ACACB: variants seen among roughly 807,000 people sequenced by gnomAD.
The protein encoded by ACACB is acetyl-CoA carboxylase beta.
ACACB carries 209 observed loss-of-function variants against 278.8 expected under a neutral mutation model. That is an observed-to-expected ratio of 0.75 (90% confidence interval 0.67 to 0.84). The LOEUF (loss-of-function observed/expected upper bound fraction) is 0.84. Ranked by LOEUF, ACACB falls within the 40% of genes least tolerant of loss-of-function variation. ACACB has a pLI of 0.00. For missense variants in ACACB, 2,850 were observed against 3,269.0 expected, an observed-to-expected ratio of 0.87 and a Z score of 3.13; for synonymous variants, 1,174 against 1,285.6, an observed-to-expected ratio of 0.91 and a Z score of 1.86.
chr12:109,167,760 A>G, intron 3 of ACACB, 136 bp from the exon 4 acceptor site: 7 of 1,340,068 alleles, frequency 5.2e-6, no homozygotes, highest in Middle Eastern at 2.3e-4. Context: ...ATGGAAATAC[A>G]TAGAAATACC....
rs146414856 is a variant in ACACB, at chr12:109,171,264, C to T, written c.926-541C>T. Among the ~76,000 whole-genome samples the T allele has an allele frequency of 1.4e-3, 210 of 152,268 alleles. 4 individuals are homozygous for T. In the East Asian group the frequency reaches 0.032, roughly 23 times the overall value. ...TTGACAGATTACTTCCTTCTTCCTT[C>T]GTTCCTTTCCAGGCCTTCCAGGCCT... On this transcript the variant is annotated intron_variant, in intron 4 of 52. Coordinates refer to ENST00000338432, the MANE Select transcript of ACACB (RefSeq NM_001093.4).
At chr12:109,188,306 T>G (rs554658609) in intron 13 of ACACB, 144 bp downstream of exon 13, 34 of 858,690 alleles carry the variant, frequency 4.0e-5, no homozygotes, top group Middle Eastern at 7.0e-4. Context: ...CTCTCAGCCT[T>G]TCTCCTTTTT....
At chr12:109,216,081 G>C (rs1012260275) in intron 22 of ACACB, among the ~76,000 whole-genome samples, 1 of 151,996 alleles carries the variant, frequency 6.6e-6, no homozygotes, top group Non-Finnish European at 1.5e-5. Context: ...TTATTGGTGT[G>C]AGCCACCATG....
intron 2 of ACACB, among the ~76,000 whole-genome samples, chr12:109,147,826 A>G (rs1245881311): frequency 2.0e-5 from 3 of 152,184 alleles, no homozygotes. Flanking sequence ...GGATGAATGA[A>G]TGGATGAATG....
At chr12:109,188,201 C>CT in intron 13 of ACACB, 39 bp downstream of exon 13, 1 of 1,302,042 alleles carries the variant, frequency 7.7e-7, no homozygotes, top group Non-Finnish European at 1.1e-6. Context: ...TTCCTTCCTT[C>CT]CTTCCTTCCT....
chr12:109,191,553 A>C, intron 13 of ACACB, 60 bp from the exon 14 acceptor site: 1 of 1,596,380 alleles, frequency 6.3e-7, no homozygotes, highest in Non-Finnish European at 8.6e-7. Flanking sequence ...ACATCATTGC[A>C]GCAACTCTGT....
intron 9 of ACACB, among the ~76,000 whole-genome samples, 155 bp from the exon 10 acceptor site, chr12:109,178,933 G>A (rs970822769): frequency 1.3e-5 from 2 of 152,144 alleles, no homozygotes; most frequent in Non-Finnish European, 2.9e-5. Context: ...AGAATATTAT[G>A]TCTGTGAGAC....
chr12:109,223,134 AGT>A (rs2046223291), intron 26 of ACACB, among the ~76,000 whole-genome samples: 1 of 152,146 alleles, frequency 6.6e-6, no homozygotes, highest in Non-Finnish European at 1.5e-5. Context: ...CAGGAAGGAC[AGT>A]GTGACAGCAG....
At chr12:109,248,294 A>G (rs2047002932) in intron 40 of ACACB, among the ~76,000 whole-genome samples, 1 of 152,150 alleles carries the variant, frequency 6.6e-6, no homozygotes, top group Non-Finnish European at 1.5e-5. Flanking sequence ...AGCGTTCTCC[A>G]GAGGGACAGG....
At chr12:109,250,589 C>G (rs1047895260) in intron 41 of ACACB, among the ~76,000 whole-genome samples, 1 of 152,116 alleles carries the variant, frequency 6.6e-6, no homozygotes, top group African/African-American at 2.4e-5. Context: ...TAGTCCCCAT[C>G]CCATCCCCAT....
intron 3 of ACACB, 27 bp downstream of exon 3, chr12:109,167,020 TG>T: frequency 6.2e-7 from 1 of 1,613,268 alleles, no homozygotes; most frequent in South Asian, 1.1e-5. Flanking sequence ...GCACTCTGGG[TG>T]GGGTCCGATT....
At chr12:109,217,827 T>C (rs560333673) in intron 24 of ACACB, among the ~76,000 whole-genome samples, 21 of 152,236 alleles carry the variant, frequency 1.4e-4, no homozygotes, top group African/African-American at 5.1e-4. Context: ...ATCCCAACTT[T>C]GTATACAAAA....
chr12:109,150,982 C>CTTTTT (rs201382181), intron 2 of ACACB, among the ~76,000 whole-genome samples: 20 of 137,360 alleles, frequency 1.5e-4, no homozygotes, highest in African/African-American at 5.2e-4. Flanking sequence ...TTTTTTCTTT[C>CTTTTT]TTTTTTTTTT....
In ACACB at chr12:109,139,472, T is replaced by C; in HGVS notation, c.67T>C (p.Trp23Arg). The C allele has an allele frequency of 1.2e-6, 2 of 1,614,116 alleles. No homozygotes were observed. The highest frequency in any genetic ancestry group is 1.7e-6 in the Non-Finnish European group (2 of 1,180,026). ...SCLTFSWLKI[W>R]GKMTDSKPIT... ...TCTGACCTTTTCCTGGTTAAAAATC[T>C]GGGGGAAAATGACGGACTCCAAGCC... Residue 23 changes from tryptophan (W) to arginine (R), a missense_variant, in exon 2 of 53, where the codon TGG (tryptophan) becomes CGG (arginine). Trp to Arg is a moderately radical substitution (Grantham distance 101). This residue lies in a region of ACACB where 2,265 missense variants were observed against 2,561.3 expected (regional missense o/e 0.88). Coordinates refer to ENST00000338432, the MANE Select transcript of ACACB (RefSeq NM_001093.4).
chr12:109,184,362 A>G lies in ACACB; in HGVS notation c.1819-1217A>G, dbSNP rs371393423. ...ACCACTGTGCCCGGCCGTGGGCTCA[A>G]TCTTTTGAGCAATGGTTTGAGTGAA... On this transcript the variant is annotated intron_variant, in intron 11 of 52. Transcript: ENST00000338432. Among the ~76,000 whole-genome samples, 50 of 152,198 alleles carry G rather than the reference A, an allele frequency of 3.3e-4. No individual in the cohort carries two copies. In the East Asian group the frequency reaches 6.2e-3, roughly 19 times the overall value.
At chr12:109,159,514 G>A (rs2043652945) in intron 2 of ACACB, among the ~76,000 whole-genome samples, 1 of 152,182 alleles carries the variant, frequency 6.6e-6, no homozygotes, top group Admixed American at 6.5e-5. Context: ...GGAAACTGAG[G>A]CAGGGAGTAT....
chr12:109,168,434 A>T (rs192044160), intron 4 of ACACB, among the ~76,000 whole-genome samples: 7 of 152,308 alleles, frequency 4.6e-5, no homozygotes, highest in Admixed American at 3.3e-4. Context: ...GAACAGTCTT[A>T]TCCTTTTATA....
chr12:109,257,216 G>A (rs1240777272), intron 45 of ACACB, among the ~76,000 whole-genome samples: 1 of 152,040 alleles, frequency 6.6e-6, no homozygotes, highest in Non-Finnish European at 1.5e-5. Flanking sequence ...GGATGTTGCA[G>A]TGAGCCGAGA....
At chr12:109,209,403 C>G (rs1274283464) in intron 21 of ACACB, 50 bp downstream of exon 21, 2 of 1,546,548 alleles carry the variant, frequency 1.3e-6, no homozygotes, top group South Asian at 1.2e-5. Flanking sequence ...TCACACTGGG[C>G]CGGCTCCCGG....
Sources: allele counts gnomAD v4.1 joint callset (sites outside exome capture counted in the v4.1 genomes callset), GRCh38; gene constraint gnomAD v4.1.1; regional missense constraint gnomAD v4.1.1; transcripts MANE v1.5; gene names NCBI Gene and HGNC (gene_info 2026-07-23, HGNC 2026-07-21).